Variants in NT5E observed in about 807,000 individuals in gnomAD.
The protein encoded by NT5E is 5'-nucleotidase ecto, also known as 5'-nucleotidase.
Under a neutral mutation model 55.1 loss-of-function variants are expected in NT5E, and 53 were observed. The ratio of observed to expected loss-of-function variants is 0.96; its 90% CI spans 0.77 to 1.21. NT5E has a LOEUF of 1.21. Ranked by LOEUF, NT5E falls within the 50% of genes most tolerant of loss-of-function variation. The pLI is 0.00. For synonymous variants in NT5E, 270 were observed against 278.4 expected (o/e 0.97, Z 0.30); for missense variants, 683 against 724.3 (o/e 0.94, Z 0.65).
At chr6:85,467,751 A>T (rs1211507965) in intron 2 of NT5E, among the ~76,000 whole-genome samples, 2 of 152,090 alleles carry the variant, frequency 1.3e-5, no homozygotes, top group Non-Finnish European at 2.9e-5. Flanking sequence ...CGTTTTAATG[A>T]CATTCTTGTA....
Position 85,471,436 on chromosome 6 carries a change from C to T in NT5E, c.751+11C>T, listed in dbSNP as rs1472558950. ...CATTTCTTTACACAGGTAATTGTTT[C>T]AAAAGGATTGCATGGGCCAGGATGT... On this transcript the variant is annotated intron_variant, in intron 3 of 8. Coordinates refer to ENST00000257770, the MANE Select transcript of NT5E (RefSeq NM_002526.4). 2 of 1,610,830 alleles carry T rather than the reference C, an allele frequency of 1.2e-6. No homozygotes were observed.
At position 85,485,432 on chromosome 6, in the gene NT5E, G is replaced by T; in HGVS notation, c.949G>T (p.Asp317Tyr). The T allele has an allele frequency of 6.2e-7, 1 of 1,613,858 alleles. No homozygotes were observed. The highest frequency in any genetic ancestry group is 1.1e-5 in the South Asian group (1 of 91,072). The change falls in exon 4 of 9, where the codon GAT becomes TAT. Residue 317 changes from aspartate (D) to tyrosine (Y), a missense_variant and splice_region_variant. By Grantham distance (160) the Asp-to-Tyr change is radical. Transcript: ENST00000257770. ...TCTTCTAAACAGCAGCATTCCTGAAGGTAAGTGAAGTTCAGGGGAATGTTC... is the reference window on the plus strand; with the variant it reads ...TCTTCTAAACAGCAGCATTCCTGAATGTAAGTGAAGTTCAGGGGAATGTTC... ...PILLNSSIPE[D>Y]PSIKADINKW...
At position 85,485,390 on chromosome 6, in the gene NT5E, T is replaced by G. The variant is rs1258049580; in HGVS notation, c.907T>G (p.Ser303Ala). ...EFDERGNVIS[S>A]HGNPILLNSS... is the part of the protein sequence containing the mutation. ...TGATGAAAGAGGAAACGTCATCTCT[T>G]CCCATGGAAATCCCATTCTTCTAAA... The change falls in exon 4 of 9, where the codon TCC becomes GCC. Residue 303 changes from serine (S) to alanine (A), a missense_variant. Physicochemically the swap from Ser to Ala is moderately conservative, Grantham distance 99. Coordinates refer to ENST00000257770, the MANE Select transcript of NT5E (RefSeq NM_002526.4). 2 of 1,614,208 alleles carry G rather than the reference T, an allele frequency of 1.2e-6. No individual in the cohort carries two copies. Among genetic ancestry groups the G allele is most frequent in the South Asian group, 1.1e-5 (1 of 91,080 alleles).
At chr6:85,463,897 G>T (rs1257304719) in intron 1 of NT5E, among the ~76,000 whole-genome samples, 3 of 151,976 alleles carry the variant, frequency 2.0e-5, no homozygotes, top group Admixed American at 2.0e-4. Flanking sequence ...AAAGGAATTT[G>T]TCTGCATTAA....
chr6:85,464,211 TC>T (rs1316880453), intron 1 of NT5E, among the ~76,000 whole-genome samples: 5 of 152,006 alleles, frequency 3.3e-5, no homozygotes, highest in African/African-American at 1.2e-4. Context: ...TGTGTGATCT[TC>T]AACAGTTCAT....
chr6:85,494,437 T>C lies in NT5E; in HGVS notation c.*433T>C, dbSNP rs201230877. 12 of 188,456 alleles carry C rather than the reference T, an allele frequency of 6.4e-5. No homozygotes were observed. The East Asian group carries it at 1.0e-3, about 16-fold the overall frequency. The allele number at this position is 188,456 out of a possible 1,614,324, so 11.7% of individuals were successfully genotyped here. On this transcript the variant is annotated 3_prime_UTR_variant, in exon 9 of 9. Coordinates refer to ENST00000257770, the MANE Select transcript of NT5E (RefSeq NM_002526.4). ...GAAAGAGAGATGTTTTTCCCACCTGTCAGATGAAAAAACTGAAGCTCAAAA... is the reference window on the plus strand; with the variant it reads ...GAAAGAGAGATGTTTTTCCCACCTGCCAGATGAAAAAACTGAAGCTCAAAA...
At chr6:85,480,634 C>T (rs1769528305) in intron 3 of NT5E, among the ~76,000 whole-genome samples, 1 of 152,126 alleles carries the variant, frequency 6.6e-6, no homozygotes, top group African/African-American at 2.4e-5. Context: ...GTGCTGTGCT[C>T]GGAGGGGCTC....
chr6:85,457,579 G>GT (rs1428940774), intron 1 of NT5E, among the ~76,000 whole-genome samples: 1 of 152,118 alleles, frequency 6.6e-6, no homozygotes, highest in Non-Finnish European at 1.5e-5. Context: ...GGTCTTTCAG[G>GT]TGCTTCCATT....
chr6:85,467,830 A>G (rs1425526187), intron 2 of NT5E, among the ~76,000 whole-genome samples: 4 of 151,694 alleles, frequency 2.6e-5, no homozygotes, highest in Non-Finnish European at 2.9e-5. Context: ...GTATGTATAT[A>G]CATTTATAGA....
chr6:85,474,559 G>T (rs1366436017), intron 3 of NT5E, among the ~76,000 whole-genome samples: 3 of 152,176 alleles, frequency 2.0e-5, no homozygotes, highest in Non-Finnish European at 4.4e-5. Context: ...CACATTTCAT[G>T]ATTGCTTACC....
At chr6:85,491,935 C>A (rs1301124938) in intron 7 of NT5E, 42 bp from the exon 8 acceptor site, 1 of 1,581,978 alleles carries the variant, frequency 6.3e-7, no homozygotes. Flanking sequence ...AAACAGAAAT[C>A]TCCCTTTGGA....
intron 2 of NT5E, among the ~76,000 whole-genome samples, chr6:85,470,058 G>C (rs933234685): frequency 4.6e-5 from 7 of 152,156 alleles, no homozygotes; most frequent in Non-Finnish European, 1.0e-4. Context: ...TCCTTCCCTT[G>C]TTTAGTGTTA....
At chr6:85,486,843 T>A (rs1769675369) in intron 4 of NT5E, among the ~76,000 whole-genome samples, 1 of 152,244 alleles carries the variant, frequency 6.6e-6, no homozygotes, top group African/African-American at 2.4e-5. Context: ...AACACACTCC[T>A]GTGCTTGTCT....
chr6:85,464,828 C>T (rs906959309), intron 1 of NT5E, among the ~76,000 whole-genome samples: 2 of 152,114 alleles, frequency 1.3e-5, no homozygotes, highest in African/African-American at 2.4e-5. Flanking sequence ...TGCCAGAGGA[C>T]GTGATGGTGA....
At position 85,494,191 on chromosome 6, in the gene NT5E, G is replaced by C; in HGVS notation, c.*187G>C. ...TCAGGGTCAGCAACCTAGTGAGTTA[G>C]AAAAAAAATTAACATAGGGCCCTAT... On this transcript the variant is annotated 3_prime_UTR_variant, in exon 9 of 9. Transcript: ENST00000257770. 1 of 621,106 alleles carries C rather than the reference G, an allele frequency of 1.6e-6. No individual in the cohort carries two copies. Among genetic ancestry groups the C allele is most frequent in the Non-Finnish European group, 2.8e-6 (1 of 358,554 alleles). 38.5% of individuals were successfully genotyped at this position (621,106 alleles called of 1,614,324 possible).
Position 85,467,237 on chromosome 6 carries a change from A to G in NT5E, c.517A>G (p.Ile173Val), listed in dbSNP as rs766548365. Residue 173 changes from isoleucine (I) to valine (V), a missense_variant, in exon 2 of 9, where the codon ATC becomes GTC. By Grantham distance (29) the Ile-to-Val change is conservative (BLOSUM62 3). Transcript: ENST00000257770. ...TCCTGTTGGTGATGAAGTTGTGGGA[A>G]TCGTTGGATACACTTCCAAAGAAAC... ...VLPVGDEVVG[I>V]VGYTSKETPF... is the part of the protein sequence containing the mutation. 38 of 1,614,064 alleles carry G rather than the reference A, an allele frequency of 2.4e-5. No individual in the cohort carries two copies. The highest frequency in any genetic ancestry group is 3.0e-5 in the Non-Finnish European group (35 of 1,180,028).
At chr6:85,479,028 G>A (rs553346948) in intron 3 of NT5E, among the ~76,000 whole-genome samples, 1 of 152,168 alleles carries the variant, frequency 6.6e-6, no homozygotes, top group South Asian at 2.1e-4. Flanking sequence ...TCATAAGGCG[G>A]TAGGACTATG....
intron 1 of NT5E, among the ~76,000 whole-genome samples, chr6:85,451,944 T>C (rs1251277492): frequency 1.3e-5 from 2 of 152,230 alleles, no homozygotes; most frequent in Admixed American, 6.5e-5. Context: ...TCCGTTCTGA[T>C]GCTTTTGAGC....
chr6:85,455,599 G>C (rs1768972462), intron 1 of NT5E, among the ~76,000 whole-genome samples: 1 of 152,162 alleles, frequency 6.6e-6, no homozygotes, highest in African/African-American at 2.4e-5. Context: ...CAATGAGTGA[G>C]TTCTGTAAGC....
Sources: allele counts gnomAD v4.1 joint callset (sites outside exome capture counted in the v4.1 genomes callset), GRCh38; gene constraint gnomAD v4.1.1; transcripts MANE v1.5; gene names NCBI Gene and HGNC (gene_info 2026-07-23, HGNC 2026-07-21).